The following LRRC4C variants were observed in gnomAD, a reference collection of about 807,000 sequenced individuals.
LRRC4C encodes leucine rich repeat containing 4C.
A neutral mutation model predicts 33.6 loss-of-function variants in LRRC4C; 5 were observed. That is an observed-to-expected ratio of 0.15 (90% CI 0.08 to 0.31). LRRC4C has a LOEUF of 0.31. Among genes scored for constraint, LRRC4C ranks in the 10% least tolerant of loss-of-function variants. The pLI, the probability that LRRC4C is intolerant of heterozygous loss-of-function variation, is 1.00. For missense variants in LRRC4C, 560 were observed against 796.7 expected (o/e 0.70, Z 3.58); for synonymous variants, 329 against 302.0 (o/e 1.09, Z -0.93).
At chr11:41,366,178 C>CTAGA (rs937740931) in intron 1 of LRRC4C, among the ~76,000 whole-genome samples, 3 of 142,240 alleles carry the variant, frequency 2.1e-5, no homozygotes, top group East Asian at 2.0e-4. Context: ...GTTTATATAT[C>CTAGA]TAGATAGATA....
Position 40,114,951 on chromosome 11 carries a change from T to C in LRRC4C, c.1342A>G (p.Thr448Ala). The C allele has an allele frequency of 1.2e-6, 2 of 1,614,172 alleles. No homozygotes were observed. The highest frequency in any genetic ancestry group is 1.7e-6 in the Non-Finnish European group (2 of 1,180,036). Residue 448 changes from threonine (T) to alanine (A), a missense_variant, in exon 7 of 7, where the codon ACT becomes GCT. Physicochemically the swap from Thr to Ala is moderately conservative, Grantham distance 58 (BLOSUM62 0). Coordinates refer to ENST00000528697, the MANE Select transcript of LRRC4C (RefSeq NM_001258419.2). ...SATLNVTAAT[T>A]TPFSYFSTVT... ...GTTGAAAAGTAAGAGAAAGGAGTAG[T>C]GGTTGCTGCAGTAACATTCAGGGTG...
chr11:40,740,234 C>A (rs897892002), intron 2 of LRRC4C, among the ~76,000 whole-genome samples: 3 of 151,770 alleles, frequency 2.0e-5, no homozygotes, highest in African/African-American at 4.8e-5. Context: ...TTTTGATGAA[C>A]CTTCATTGTT....
intron 1 of LRRC4C, among the ~76,000 whole-genome samples, chr11:41,046,780 T>C (rs1348066861): frequency 6.6e-6 from 1 of 152,148 alleles, no homozygotes; most frequent in Non-Finnish European, 1.5e-5. Context: ...CGGTGAAAAA[T>C]GGCTTAGAAA....
chr11:40,436,918 A>T (rs1352055199), intron 3 of LRRC4C, among the ~76,000 whole-genome samples: 1 of 152,164 alleles, frequency 6.6e-6, no homozygotes, highest in South Asian at 2.1e-4. Context: ...AAGGAAGAGA[A>T]AAATGGCTCA....
intron 3 of LRRC4C, among the ~76,000 whole-genome samples, chr11:40,377,419 G>A (rs1373842858): frequency 2.6e-5 from 4 of 152,014 alleles, no homozygotes; most frequent in Non-Finnish European, 4.4e-5. Flanking sequence ...TTTTCCCCAC[G>A]CATGTGTGGG....
intron 2 of LRRC4C, among the ~76,000 whole-genome samples, chr11:40,896,114 C>T (rs1040371386): frequency 2.6e-5 from 4 of 152,146 alleles, no homozygotes; most frequent in African/African-American, 7.2e-5. Context: ...GTTTCCTTCA[C>T]CTCTATTCAC....
chr11:41,366,191 TAGATAGAC>T (rs1460614654), intron 1 of LRRC4C, among the ~76,000 whole-genome samples: 41 of 137,192 alleles, frequency 3.0e-4, no homozygotes, highest in African/African-American at 5.4e-4. Context: ...GATAGATAGA[TAGATAGAC>T]AGATAGATAG....
chr11:41,144,313 A>G (rs1032288596), intron 1 of LRRC4C, among the ~76,000 whole-genome samples: 1 of 152,180 alleles, frequency 6.6e-6, no homozygotes, highest in Non-Finnish European at 1.5e-5. Flanking sequence ...TCAACAGAGG[A>G]AAGAACACTC....
At chr11:40,632,230 A>G (rs1235894780) in intron 3 of LRRC4C, among the ~76,000 whole-genome samples, 1 of 152,228 alleles carries the variant, frequency 6.6e-6, no homozygotes, top group Non-Finnish European at 1.5e-5. Flanking sequence ...GTTTTGAAAA[A>G]GCTGGCCCAG....
Position 40,120,232 on chromosome 11 carries a change from G to T in LRRC4C, c.-42-3898C>A, listed in dbSNP as rs1044653933. On this transcript the variant is annotated intron_variant, in intron 6 of 6. Transcript: ENST00000528697. ...TCTAAAACAATTACTAAACAAAAAG[G>T]CCTGGCTCATCATGTCAGTCCTGTT... is the stretch of plus-strand genomic sequence containing the variant. Among the ~76,000 whole-genome samples the T allele has an allele frequency of 2.6e-5, 4 of 152,168 alleles. No homozygotes were observed. In the East Asian group the frequency reaches 5.8e-4, roughly 22 times the overall value.
At chr11:41,162,984 C>A (rs1402641745) in intron 1 of LRRC4C, among the ~76,000 whole-genome samples, 1 of 152,138 alleles carries the variant, frequency 6.6e-6, no homozygotes, top group Non-Finnish European at 1.5e-5. Flanking sequence ...TGGGATAAAC[C>A]AGATGGGAGA....
intron 3 of LRRC4C, chr11:40,447,042 G>C (rs1270461709): frequency 6.3e-6 from 1 of 158,560 alleles, no homozygotes; most frequent in Non-Finnish European, 1.5e-5. Flanking sequence ...ATGTCCCAAG[G>C]ATACCAGCAG....
At chr11:40,123,181 T>A (rs989417942) in intron 6 of LRRC4C, among the ~76,000 whole-genome samples, 22 of 152,090 alleles carry the variant, frequency 1.4e-4, no homozygotes, top group African/African-American at 4.8e-4. Flanking sequence ...ACAAAAGGTA[T>A]ATAAATGGGC....
At chr11:40,519,934 CA>C (rs1281780835) in intron 3 of LRRC4C, among the ~76,000 whole-genome samples, 1 of 152,148 alleles carries the variant, frequency 6.6e-6, no homozygotes, top group African/African-American at 2.4e-5. Flanking sequence ...TCCATGTAGA[CA>C]AAACAGCATT....
At chr11:41,011,233 T>C (rs1855155343) in intron 1 of LRRC4C, among the ~76,000 whole-genome samples, 1 of 152,168 alleles carries the variant, frequency 6.6e-6, no homozygotes, top group Admixed American at 6.5e-5. Context: ...TTATCACTAC[T>C]ACTTCATAGA....
chr11:41,211,179 T>C (rs1000963675), intron 1 of LRRC4C, among the ~76,000 whole-genome samples: 2 of 152,042 alleles, frequency 1.3e-5, no homozygotes, highest in Non-Finnish European at 2.9e-5. Context: ...AGACTGGAGA[T>C]GGTATTCTAA....
chr11:40,789,007 G>A (rs58287560), intron 2 of LRRC4C, among the ~76,000 whole-genome samples: 30,459 of 151,016 alleles, frequency 0.2, 4,409 homozygotes, highest in African/African-American at 0.41. Flanking sequence ...GCAGGAGAAT[G>A]GCGTGAACCC....
chr11:40,967,986 A>C (rs973172263), intron 1 of LRRC4C, among the ~76,000 whole-genome samples: 1 of 152,062 alleles, frequency 6.6e-6, no homozygotes, highest in Non-Finnish European at 1.5e-5. Context: ...GATTAAGCTT[A>C]GTAAGAAAGG....
intron 3 of LRRC4C, among the ~76,000 whole-genome samples, chr11:40,376,552 A>G (rs1375778361): frequency 6.6e-6 from 1 of 151,960 alleles, no homozygotes; most frequent in Non-Finnish European, 1.5e-5. Context: ...AAACCGATAA[A>G]CTCCCAGAGA....
Sources: gnomAD v4.1 joint callset for allele counts (sites outside exome capture counted in the v4.1 genomes callset) on GRCh38, gnomAD v4.1.1 for gene constraint, MANE v1.5 for transcripts, NCBI Gene and HGNC (gene_info 2026-07-23, HGNC 2026-07-21) for gene names.